CACNA1H: variants seen among roughly 807,000 people sequenced by gnomAD.
CACNA1H encodes the protein voltage-dependent T-type calcium channel subunit alpha-1H.
In CACNA1H, 149 loss-of-function variants were observed where a neutral mutation model predicts 192.5. That is an observed-to-expected ratio of 0.77 (90% CI 0.68 to 0.89). The LOEUF (loss-of-function observed/expected upper bound fraction) is 0.89. Ranked by LOEUF, CACNA1H falls within the 40% of genes least tolerant of loss-of-function variation. The pLI, the probability that CACNA1H is intolerant of heterozygous loss-of-function variation, is 0.00. For missense variants in CACNA1H, 4,257 were observed against 3,423.5 expected (o/e 1.24, Z -6.08); for synonymous variants, 2,202 against 1,475.2 (o/e 1.49, Z -11.29).
In CACNA1H at chr16:1,220,942, G is replaced by T; in HGVS notation, c.7010G>T (p.Gly2337Val). The change falls in exon 35 of 35, where the codon GGG becomes GTG. Residue 2337 changes from glycine (G) to valine (V), a missense_variant. Coordinates refer to ENST00000348261, the MANE Select transcript of CACNA1H (RefSeq NM_021098.3). ...CCCCAGTGTCCTCTGGAGAAACCAG[G>T]GTCCCCCTCAGCCACCCCTGCCCCA... ...TVPQCPLEKP[G>V]SPSATPAPGG... 6.2e-7 allele frequency: 1 copy of T among 1,607,598 alleles called. No individual in the cohort carries two copies. Among genetic ancestry groups the T allele is most frequent in the Non-Finnish European group, 8.5e-7 (1 of 1,176,830 alleles).
rs370883583 is a variant in CACNA1H, at chr16:1,220,131, G to A, written c.6199G>A (p.Val2067Ile). ...SPPRSPRPAS[V>I]RTRKHTFGQR... ...ACCACGCTCCCCACGGCCCGCCAGC[G>A]TCCGCACTCGTAAGCATACCTTCGG... The change falls in exon 35 of 35, where the codon GTC becomes ATC. Residue 2067 changes from valine (V) to isoleucine (I), a missense_variant. Transcript: ENST00000348261. 1.4e-4 allele frequency: 203 copies of A among 1,495,404 alleles called. No homozygotes were observed. The highest frequency in any genetic ancestry group is 1.8e-4 in the Middle Eastern group (1 of 5,630). 92.6% of individuals were successfully genotyped at this position (1,495,404 alleles called of 1,614,324 possible).
At chr16:1,218,856 G>A (rs1158206751) in intron 33 of CACNA1H, 114 bp from the exon 34 acceptor site, 3 of 1,265,376 alleles carry the variant, frequency 2.4e-6, no homozygotes, top group Non-Finnish European at 2.2e-6. Context: ...GACGGGTCGG[G>A]CTGGGGCTGG....
chr16:1,161,580 C>T (rs1222629449), intron 2 of CACNA1H, among the ~76,000 whole-genome samples: 1 of 152,210 alleles, frequency 6.6e-6, no homozygotes, highest in Non-Finnish European at 1.5e-5. Context: ...GGGCTAGCGA[C>T]CCCTGCCAGC....
intron 24 of CACNA1H, 68 bp from the exon 25 acceptor site, chr16:1,211,878 G>C (rs1303935218): frequency 6.2e-7 from 1 of 1,607,570 alleles, no homozygotes; most frequent in Non-Finnish European, 8.5e-7. Context: ...CTGGGGACTC[G>C]GGGGGCCATC....
rs1340895719 is a variant in CACNA1H at position 1,219,063 on chromosome 16, C to T, written c.5981C>T (p.Pro1994Leu). 1.9e-6 allele frequency: 3 copies of T among 1,549,888 alleles called. No homozygotes were observed. The highest frequency in any genetic ancestry group is 2.6e-6 in the Non-Finnish European group (3 of 1,146,790). ...TCGTCCCCAGCCAGGAGCGGCGAGCCCCTCCACGCCCTGTCCCCTCGGGGC... is the reference window on the plus strand; with the variant it reads ...TCGTCCCCAGCCAGGAGCGGCGAGCTCCTCCACGCCCTGTCCCCTCGGGGC... ...AVSSPARSGE[P>L]LHALSPRGTA... Residue 1994 changes from proline to leucine, a missense_variant, in exon 34 of 35, where the codon CCC (proline) becomes CTC (leucine). Transcript: ENST00000348261.
intron 2 of CACNA1H, among the ~76,000 whole-genome samples, chr16:1,173,454 TTC>T (rs1390107019): frequency 2.0e-5 from 3 of 152,368 alleles, no homozygotes; most frequent in East Asian, 1.9e-4. Flanking sequence ...TGCTCCTGGG[TTC>T]TCTCTCTCGC....
chr16:1,193,491 A>G (rs1357939990), intron 2 of CACNA1H, among the ~76,000 whole-genome samples: 2 of 152,196 alleles, frequency 1.3e-5, no homozygotes, highest in Non-Finnish European at 2.9e-5. Context: ...GAAGGCGCTC[A>G]CACACTCTGG....
intron 2 of CACNA1H, among the ~76,000 whole-genome samples, chr16:1,154,899 C>G (rs988284372): frequency 4.6e-5 from 7 of 152,140 alleles, no homozygotes; most frequent in Non-Finnish European, 7.4e-5. Flanking sequence ...AAGGGCCTTG[C>G]GTGGTGCCTG....
Position 1,210,073 on chromosome 16 carries a change from C to T in CACNA1H, c.3783C>T (p.Tyr1261=), listed in dbSNP as rs1460876199. 1.3e-6 allele frequency: 2 copies of T among 1,557,742 alleles called. No individual in the cohort carries two copies. Among genetic ancestry groups the T allele is most frequent in the Admixed American group, 1.9e-5 (1 of 52,382 alleles). ...CLRLHKVLEP[Y]KPQWCRSREA... ...GCCTGCATAAAGTGCTGGAGCCCTA[C>T]AAGCCCCAGTGGTGCCGGAGCCGCG... Residue 1261 remains tyrosine, a synonymous_variant, in exon 18 of 35, where the codon TAC becomes TAT. Coordinates refer to ENST00000348261, the MANE Select transcript of CACNA1H (RefSeq NM_021098.3).
Position 1,206,298 on chromosome 16 carries a change from A to C in CACNA1H, c.2789+9A>C. On this transcript the variant is annotated intron_variant, in intron 12 of 34. Coordinates refer to ENST00000348261, the MANE Select transcript of CACNA1H (RefSeq NM_021098.3). The stretch of plus-strand genomic sequence containing the variant: ...TTCATTTTCATCTTCAGGTGGGCGC[A>C]ACCCCCCTCCCGGCCCGCCCAGTGT... 1 of 1,550,128 alleles carries C rather than the reference A, an allele frequency of 6.5e-7. No homozygotes were observed. The highest frequency in any genetic ancestry group is 8.7e-7 in the Non-Finnish European group (1 of 1,147,400).
At position 1,213,896 on chromosome 16, in the gene CACNA1H, A is replaced by C. The variant is rs746473639; in HGVS notation, c.4894A>C (p.Ile1632Leu). The change falls in exon 27 of 35, where the codon ATC becomes CTC. Residue 1632 changes from isoleucine (I) to leucine (L), a missense_variant. Transcript: ENST00000348261. ...FITFIICVNV[I>L]TMSMEHYNQP... Reference sequence around the variant, plus strand: ...CACCTTCATCATCTGTGTCAACGTCATCACCATGTCCATGGAGCACTATAA... The same window carrying C: ...CACCTTCATCATCTGTGTCAACGTCCTCACCATGTCCATGGAGCACTATAA... 1.3e-5 allele frequency: 21 copies of C among 1,611,902 alleles called. No individual in the cohort carries two copies. The South Asian group carries it at 2.2e-4, about 17-fold the overall frequency.
chr16:1,190,537 A>G lies in CACNA1H; in HGVS notation c.300-4435A>G, dbSNP rs72775435. Among the ~76,000 whole-genome samples, 1,184 of 152,316 alleles carry G rather than the reference A, an allele frequency of 7.8e-3. 8 individuals are homozygous for G. The highest frequency in any genetic ancestry group is 0.013 in the Non-Finnish European group (874 of 68,014). On this transcript the variant is annotated intron_variant, in intron 2 of 34. Transcript: ENST00000348261. ...CCAGGGGGGCACTGGGACCTGGTAC[A>G]TCTGGCAGTCCCTCTCCAGGGCAGG... is the stretch of plus-strand genomic sequence containing the variant.
chr16:1,200,635 C>A (rs999691704), intron 7 of CACNA1H, 64 bp downstream of exon 7: 2 of 1,563,910 alleles, frequency 1.3e-6, no homozygotes, highest in Non-Finnish European at 1.7e-6. Context: ...GCAGGACTCG[C>A]CCCCCCCAGC....
At position 1,202,438 on chromosome 16, in the gene CACNA1H, T is replaced by C. The variant is rs1401991327; in HGVS notation, c.1988T>C (p.Val663Ala). ...SPDPYEKIPH[V>A]VGEHGLGQAP... ...GATCCCTACGAGAAGATCCCGCATG[T>C]GGTCGGGGAGCATGGTGAGGACCCA... The change falls in exon 9 of 35, where the codon GTG becomes GCG. Residue 663 changes from valine (V) to alanine (A), a missense_variant. Val to Ala is a moderately conservative substitution (Grantham distance 64, BLOSUM62 0). Transcript: ENST00000348261. The C allele has an allele frequency of 6.7e-7, 1 of 1,500,640 alleles. No homozygotes were observed. The highest frequency in any genetic ancestry group is 8.9e-7 in the Non-Finnish European group (1 of 1,120,428). The allele number at this position is 1,500,640 out of a possible 1,614,324, so 93.0% of individuals were successfully genotyped here.
At chr16:1,176,790 G>A (rs901546581) in intron 2 of CACNA1H, among the ~76,000 whole-genome samples, 9 of 152,174 alleles carry the variant, frequency 5.9e-5, no homozygotes, top group Non-Finnish European at 8.8e-5. Context: ...GGGCCGCCCC[G>A]CCGGGGAGCT....
chr16:1,173,420 C>T (rs1444166208), intron 2 of CACNA1H, among the ~76,000 whole-genome samples: 2 of 152,342 alleles, frequency 1.3e-5, no homozygotes, highest in East Asian at 1.9e-4. Flanking sequence ...CACGCTGGTG[C>T]GGACGGACGA....
intron 9 of CACNA1H, 113 bp downstream of exon 9, chr16:1,202,565 T>G: frequency 2.1e-6 from 2 of 974,042 alleles, no homozygotes; most frequent in Non-Finnish European, 2.9e-6. Flanking sequence ...AGCCCAGCTT[T>G]GACTTGTGAA....
intron 2 of CACNA1H, among the ~76,000 whole-genome samples, chr16:1,172,805 C>T (rs1964501662): frequency 6.6e-6 from 1 of 152,104 alleles, no homozygotes; most frequent in Non-Finnish European, 1.5e-5. Flanking sequence ...GGCTCCTGTC[C>T]AGGCCCAGGG....
At chr16:1,188,881 C>T (rs1966325748) in intron 2 of CACNA1H, among the ~76,000 whole-genome samples, 1 of 152,206 alleles carries the variant, frequency 6.6e-6, no homozygotes. Flanking sequence ...TGATTCAGCA[C>T]CATGGACAGC....
Sources: allele counts gnomAD v4.1 joint callset (sites outside exome capture counted in the v4.1 genomes callset), GRCh38; gene constraint gnomAD v4.1.1; transcripts MANE v1.5; gene names NCBI Gene and HGNC (gene_info 2026-07-23, HGNC 2026-07-21).